NCOA1: variants seen among roughly 807,000 people sequenced by gnomAD.
NCOA1 encodes the protein Hin-2 protein.
NCOA1 carries 35 observed loss-of-function variants against 150.9 expected under a neutral mutation model. The observed-to-expected ratio is 0.23, with a 90% CI of 0.18 to 0.31. The LOEUF (loss-of-function observed/expected upper bound fraction) is 0.31, where lower values mean the gene tolerates loss of function less well. Among genes scored for constraint, NCOA1 ranks in the 10% least tolerant of loss-of-function variants. NCOA1 has a pLI of 1.00. For synonymous variants in NCOA1, 590 were observed against 630.0 expected (o/e 0.94, Z 0.95); for missense variants, 1,491 against 1,749.3 (o/e 0.85, Z 2.63).
At chr2:24,704,424 A>G (rs1673309460) in intron 11 of NCOA1, among the ~76,000 whole-genome samples, 1 of 152,130 alleles carries the variant, frequency 6.6e-6, no homozygotes, top group Non-Finnish European at 1.5e-5. Context: ...GGAGAAAAAT[A>G]TTTCCTGGTA....
intron 4 of NCOA1, among the ~76,000 whole-genome samples, chr2:24,657,593 CATT>C (rs1243784782): frequency 3.3e-5 from 5 of 152,084 alleles, no homozygotes; most frequent in Non-Finnish European, 7.3e-5. Context: ...ATATGACAGT[CATT>C]AATCTTCAGA....
chr2:24,547,312 C>T (rs564912316), intron 1 of NCOA1, among the ~76,000 whole-genome samples: 1 of 152,218 alleles, frequency 6.6e-6, no homozygotes, highest in African/African-American at 2.4e-5. Flanking sequence ...CTGGATAAAC[C>T]TCTTTTTTGT....
At chr2:24,589,630 G>GGTGTGTGTGTGTGTGT (rs148118845) in intron 3 of NCOA1, among the ~76,000 whole-genome samples, 30 of 147,548 alleles carry the variant, frequency 2.0e-4, no homozygotes, top group African/African-American at 3.5e-4. Flanking sequence ...AGAGGTTGGT[G>GGTGTGTGTGTGTGTGT]GTGTGTGTGT....
At chr2:24,755,691 C>T (rs1664463738) in intron 20 of NCOA1, among the ~76,000 whole-genome samples, 1 of 152,168 alleles carries the variant, frequency 6.6e-6, no homozygotes, top group African/African-American at 2.4e-5. Flanking sequence ...TGGTCTCCTT[C>T]CCTTAATGGG....
At chr2:24,612,888 G>A (rs975295256) in intron 3 of NCOA1, among the ~76,000 whole-genome samples, 3 of 152,040 alleles carry the variant, frequency 2.0e-5, no homozygotes, top group Admixed American at 1.3e-4. Context: ...TCATATCTGA[G>A]TTTCCATTTT....
intron 1 of NCOA1, among the ~76,000 whole-genome samples, chr2:24,500,640 G>A (rs1351593006): frequency 6.6e-6 from 1 of 152,196 alleles, no homozygotes. Flanking sequence ...TGGTCACCTT[G>A]AGGCAGAGGA....
At chr2:24,648,415 G>A (rs2148472054) in intron 4 of NCOA1, among the ~76,000 whole-genome samples, 1 of 152,212 alleles carries the variant, frequency 6.6e-6, no homozygotes, top group Non-Finnish European at 1.5e-5. Context: ...TGGGATTACA[G>A]GCATCCGCCA....
intron 3 of NCOA1, among the ~76,000 whole-genome samples, chr2:24,589,016 T>G (rs2148329343): frequency 6.6e-6 from 1 of 152,276 alleles, no homozygotes; most frequent in East Asian, 1.9e-4. Context: ...ATAATTTAAA[T>G]AGTTGTGTTT....
intron 1 of NCOA1, among the ~76,000 whole-genome samples, chr2:24,517,689 A>G (rs1192881249): frequency 6.6e-6 from 1 of 152,226 alleles, no homozygotes; most frequent in Non-Finnish European, 1.5e-5. Flanking sequence ...CAGAGCACAC[A>G]TGTGAAGTGC....
At position 24,742,144 on chromosome 2, in the gene NCOA1, A is replaced by C. The variant is rs1663636713; in HGVS notation, c.3664A>C (p.Asn1222His). Residue 1222 changes from asparagine (N) to histidine (H), a missense_variant, in exon 19 of 23, where the codon AAT (asparagine) becomes CAT (histidine). By Grantham distance (68) the Asn-to-His change is moderately conservative. Around this residue, in one of 8 missense-constraint regions of NCOA1, gnomAD observed 485 missense variants for 522.8 expected, o/e 0.93. Transcript: ENST00000348332. ...AGGAGGACAGTTTGGCACTGGAATC[A>C]ATCCTCAGATGCAGCAGAATGTCTT... ...NIGGQFGTGINPQMQQNVFQY... is the reference protein window; with the variant it reads ...NIGGQFGTGIHPQMQQNVFQY... The C allele has an allele frequency of 6.2e-7, 1 of 1,613,904 alleles. No individual in the cohort carries two copies. Among genetic ancestry groups the C allele is most frequent in the East Asian group, 2.2e-5 (1 of 44,882 alleles).
chr2:24,605,479 A>T (rs4665269), intron 3 of NCOA1, among the ~76,000 whole-genome samples: 66,851 of 152,026 alleles, frequency 0.44, 16,437 homozygotes, highest in Admixed American at 0.61. Flanking sequence ...GGTATGTGAC[A>T]GTTTGTTCTA....
chr2:24,751,946 G>T, intron 19 of NCOA1, 36 bp from the exon 20 acceptor site: 1 of 1,554,112 alleles, frequency 6.4e-7, no homozygotes, highest in South Asian at 1.2e-5. Context: ...TAAATTTATA[G>T]TGTATCAACA....
At chr2:24,750,911 C>T (rs56273815) in intron 19 of NCOA1, among the ~76,000 whole-genome samples, 4,796 of 140,140 alleles carry the variant, frequency 0.034, 112 homozygotes, top group East Asian at 0.11. Flanking sequence ...CTGAATAAAG[C>T]TTAAAAGGGG....
At chr2:24,742,286 A>G in intron 19 of NCOA1, 100 bp downstream of exon 19, 2 of 1,377,776 alleles carry the variant, frequency 1.5e-6, no homozygotes, top group Non-Finnish European at 9.8e-7. Context: ...TAGTGTGTGG[A>G]AGAGGAAAGA....
chr2:24,734,983 G>A (rs780547841), intron 17 of NCOA1, among the ~76,000 whole-genome samples: 16 of 152,096 alleles, frequency 1.1e-4, no homozygotes, highest in Admixed American at 6.5e-4. Flanking sequence ...AAAGAATGGC[G>A]TGCATCATAA....
chr2:24,696,865 T>C (rs1181222251), intron 10 of NCOA1, among the ~76,000 whole-genome samples: 2 of 151,778 alleles, frequency 1.3e-5, no homozygotes, highest in Admixed American at 6.6e-5. Context: ...TTTATCTCAT[T>C]AATTCTTAAT....
At chr2:24,523,867 A>G (rs1664536733) in intron 1 of NCOA1, among the ~76,000 whole-genome samples, 1 of 129,994 alleles carries the variant, frequency 7.7e-6, no homozygotes, top group South Asian at 2.7e-4. Flanking sequence ...TGGAGGGTAC[A>G]GTGAGCCGAG....
chr2:24,594,825 T>G (rs1347087931), intron 3 of NCOA1, among the ~76,000 whole-genome samples: 1 of 152,040 alleles, frequency 6.6e-6, no homozygotes, highest in East Asian at 1.9e-4. Flanking sequence ...AATTATAAAT[T>G]AGGATGCGAT....
At chr2:24,733,995 G>GC (rs1240687937) in intron 17 of NCOA1, among the ~76,000 whole-genome samples, 12 of 151,954 alleles carry the variant, frequency 7.9e-5, no homozygotes, top group Non-Finnish European at 1.6e-4. Flanking sequence ...GACCAGCCTG[G>GC]CCAACATGGT....
Sources: gnomAD v4.1 joint callset for allele counts (sites outside exome capture counted in the v4.1 genomes callset) on GRCh38, gnomAD v4.1.1 for gene constraint, gnomAD v4.1.1 regional missense constraint, MANE v1.5 for transcripts, NCBI Gene and HGNC (gene_info 2026-07-23, HGNC 2026-07-21) for gene names.